Variants in RBM41 observed in about 807,000 individuals in gnomAD.
The protein encoded by RBM41 is RNA-binding protein 41.
A neutral mutation model predicts 30.8 loss-of-function variants in RBM41; 14 were observed. That is an observed-to-expected ratio of 0.45 (90% CI 0.30 to 0.71). RBM41 has a LOEUF of 0.71. Ranked by LOEUF, RBM41 falls within the 30% of genes least tolerant of loss-of-function variation. The pLI is 0.08. For synonymous variants in RBM41, 120 were observed against 110.1 expected, an observed-to-expected ratio of 1.09 and a Z score of -0.56; for missense variants, 276 against 326.3, an observed-to-expected ratio of 0.85 and a Z score of 1.19.
the RBM41 span, among the ~76,000 whole-genome samples, chrX:107,053,990 C>T: frequency 9.4e-3 from 1,043 of 111,032 alleles, 14 homozygotes; most frequent in African/African-American, 0.032. Flanking sequence ...TATGATGGGG[C>T]ATCAATATTT....
rs990047582 is a variant in RBM41 at position 107,066,842 on chromosome X, TAATC to T, written c.*681_*684del. ...TAATATTTAACATATATTAGACACT[TAATC>T]AATGTTTATTGCTATGAATTCAATG... On this transcript the variant is annotated 3_prime_UTR_variant, in exon 8 of 8. Transcript: ENST00000685964. 1.0e-4 allele frequency: 75 copies of T among 735,378 alleles called. No individual in the cohort carries two copies. Among genetic ancestry groups the T allele is most frequent in the Non-Finnish European group, 1.2e-4 (73 of 623,459 alleles). 60.6% of individuals were successfully genotyped at this position (735,378 alleles called of 1,213,427 possible).
At chrX:107,061,112 T>C (rs1481007816), downstream of RBM41, among the ~76,000 whole-genome samples, 2 of 111,273 alleles carry the variant, frequency 1.8e-5, no homozygotes, top group East Asian at 5.6e-4. Context: ...AGGAACAGAA[T>C]AAGGAGATAA....
At chrX:107,103,134 T>A (rs1236818788) in intron 5 of RBM41, among the ~76,000 whole-genome samples, 3 of 111,064 alleles carry the variant, frequency 2.7e-5, no homozygotes, top group Admixed American at 1.9e-4. Context: ...GTTATGTATT[T>A]TGCACGTGGA....
chrX:107,060,253 GA>G (rs368454963), downstream of RBM41, among the ~76,000 whole-genome samples: 54 of 96,217 alleles, frequency 5.6e-4, no homozygotes, highest in Middle Eastern at 5.3e-3. Context: ...AATATAGAGT[GA>G]AAAAAAAAAA....
chrX:107,103,114 T>G (rs1569341808), intron 5 of RBM41, among the ~76,000 whole-genome samples: 5 of 110,856 alleles, frequency 4.5e-5, no homozygotes, highest in African/African-American at 3.3e-5. Flanking sequence ...GGGTTAAGAC[T>G]TTTGGGGATG....
rs2097066347 is a variant in RBM41, at chrX:107,063,809, T to C, written c.*3718A>G. Among the ~76,000 whole-genome samples the C allele has an allele frequency of 9.0e-6, 1 of 111,110 alleles. No individual in the cohort carries two copies. Among genetic ancestry groups the C allele is most frequent in the African/African-American group, 3.3e-5 (1 of 30,586 alleles). On this transcript the variant is annotated 3_prime_UTR_variant, in exon 8 of 8. Transcript: ENST00000685964. ...ATCAACTTTTGGTTGCATTGATTTT[T>C]CTCTACTTTTCTTCACTCTATTTCA...
chrX:107,094,323 G>A (rs1569337799), intron 5 of RBM41, among the ~76,000 whole-genome samples: 1 of 112,050 alleles, frequency 8.9e-6, no homozygotes, highest in Admixed American at 9.4e-5. Flanking sequence ...ATATTAGCAA[G>A]CCTCATCCAG....
At chrX:107,091,222 T>C (rs749589214) in intron 5 of RBM41, among the ~76,000 whole-genome samples, 3 of 112,223 alleles carry the variant, frequency 2.7e-5, no homozygotes, top group Non-Finnish European at 5.6e-5. Context: ...ATATGCTTAA[T>C]ATTAGCAAAA....
intron 1 of RBM41, among the ~76,000 whole-genome samples, chrX:107,117,019 A>G (rs1420323387): frequency 8.9e-6 from 1 of 112,161 alleles, no homozygotes; most frequent in Non-Finnish European, 1.9e-5. Context: ...CCCACAATCT[A>G]TTTAGGGAGA....
At position 107,118,775 on chromosome X, in the gene RBM41, T is replaced by C. The variant is rs375658448; in HGVS notation, c.-2A>G. On this transcript the variant is annotated 5_prime_UTR_variant, in exon 1 of 8. Transcript: ENST00000685964. ...TCAGACAAGTCCTTACCTCTTCATGTTTCCACAGGCCCCTACCTCCAACTT... is the reference window on the plus strand; with the variant it reads ...TCAGACAAGTCCTTACCTCTTCATGCTTCCACAGGCCCCTACCTCCAACTT... 4.9e-5 allele frequency: 59 copies of C among 1,210,061 alleles called. No individual in the cohort carries two copies. Among genetic ancestry groups the C allele is most frequent in the Non-Finnish European group, 5.7e-5 (51 of 895,246 alleles).
the RBM41 span, among the ~76,000 whole-genome samples, chrX:107,054,244 C>T: frequency 1.8e-5 from 2 of 111,296 alleles, no homozygotes; most frequent in Non-Finnish European, 3.8e-5. Context: ...AGATCTCTTC[C>T]CTGTATTATT....
Position 107,118,752 on chromosome X carries a change from A to T in RBM41, c.8+14T>A, listed in dbSNP as rs368212876. On this transcript the variant is annotated intron_variant, in intron 1 of 7. Coordinates refer to ENST00000685964, the MANE Select transcript of RBM41 (RefSeq NM_001324242.2). ...AAGCTCCCCTTGCCGCCTGCTCTTC[A>T]GACAAGTCCTTACCTCTTCATGTTT... is the stretch of plus-strand genomic sequence containing the variant. 1 of 1,211,844 alleles carries T rather than the reference A, an allele frequency of 8.3e-7. No individual in the cohort carries two copies. The highest frequency in any genetic ancestry group is 1.1e-6 in the Non-Finnish European group (1 of 895,430).
Position 107,062,540 on chromosome X carries a change from G to A in RBM41, c.*4987C>T, listed in dbSNP as rs1935676586. 9.0e-6 allele frequency among the ~76,000 whole-genome samples: 1 copy of A among 111,070 alleles called. No homozygotes were observed. Among genetic ancestry groups the A allele is most frequent in the African/African-American group, 3.3e-5 (1 of 30,546 alleles). On this transcript the variant is annotated 3_prime_UTR_variant, in exon 8 of 8. Transcript: ENST00000685964. ...TGAGCAGTATATCAAAGGAATAGGA[G>A]TTTGTCCTGAGTATAGTCAGATGAT...
intron 4 of RBM41, among the ~76,000 whole-genome samples, chrX:107,113,903 T>C (rs1924693821): frequency 8.9e-6 from 1 of 111,860 alleles, no homozygotes; most frequent in Admixed American, 9.4e-5. Flanking sequence ...GATAGATGAT[T>C]CCCAGTTCTA....
chrX:107,113,310 A>G, intron 5 of RBM41, 87 bp downstream of exon 5: 1 of 944,772 alleles, frequency 1.1e-6, no homozygotes, highest in South Asian at 2.1e-5. Flanking sequence ...ACATTGTCAT[A>G]TACTGAATAT....
intron 5 of RBM41, among the ~76,000 whole-genome samples, chrX:107,090,123 C>A (rs748555200): frequency 8.9e-6 from 1 of 111,963 alleles, no homozygotes; most frequent in Non-Finnish European, 1.9e-5. Context: ...TGCCTGCAAT[C>A]CCAGCACTTT....
chrX:107,078,259 T>C (rs1921166000), intron 6 of RBM41, among the ~76,000 whole-genome samples: 1 of 111,661 alleles, frequency 9.0e-6, no homozygotes, highest in South Asian at 3.7e-4. Context: ...TTTTCCTGCT[T>C]TCTCTTCCTG....
In RBM41 at chrX:107,062,809, A is replaced by G. The variant is rs1602533439; in HGVS notation, c.*4718T>C. Among the ~76,000 whole-genome samples, 1 of 111,733 alleles carries G rather than the reference A, an allele frequency of 8.9e-6. No homozygotes were observed. The highest frequency in any genetic ancestry group is 3.3e-5 in the African/African-American group (1 of 30,765). On this transcript the variant is annotated 3_prime_UTR_variant, in exon 8 of 8. Coordinates refer to ENST00000685964, the MANE Select transcript of RBM41 (RefSeq NM_001324242.2). Reference sequence around the variant, plus strand: ...AATTTATTCAGAAATATCTATATACATACATACTATACATAAATGAATGCT... The same window carrying G: ...AATTTATTCAGAAATATCTATATACGTACATACTATACATAAATGAATGCT...
At chrX:107,104,064 T>C (rs1344094930) in intron 5 of RBM41, among the ~76,000 whole-genome samples, 7 of 110,275 alleles carry the variant, frequency 6.3e-5, no homozygotes, top group Non-Finnish European at 9.5e-5. Context: ...AATCAGGGCC[T>C]GTTTTCCCCG....
Sources: gnomAD v4.1 joint callset for allele counts (sites outside exome capture counted in the v4.1 genomes callset) on GRCh38, gnomAD v4.1.1 for gene constraint, MANE v1.5 for transcripts, NCBI Gene and HGNC (gene_info 2026-07-23, HGNC 2026-07-21) for gene names.